ERBB4: variants seen among roughly 807,000 people sequenced by gnomAD.
The protein encoded by ERBB4 is erb-b2 receptor tyrosine kinase 4.
ERBB4 carries 42 observed loss-of-function variants against 158.0 expected under a neutral mutation model. The ratio of observed to expected loss-of-function variants is 0.27; its 90% CI spans 0.21 to 0.34. The LOEUF (loss-of-function observed/expected upper bound fraction) is 0.34. ERBB4 is among the 10% of genes least tolerant of loss of function. ERBB4 has a pLI of 1.00. For synonymous variants in ERBB4, 583 were observed against 558.7 expected (o/e 1.04, Z -0.61); for missense variants, 1,333 against 1,624.1 (o/e 0.82, Z 3.08).
chr2:212,263,051 C>A (rs1359403840), intron 1 of ERBB4, among the ~76,000 whole-genome samples: 1 of 152,012 alleles, frequency 6.6e-6, no homozygotes, highest in East Asian at 1.9e-4. Context: ...GGCCCTAAAT[C>A]TTTTGAAATA....
chr2:211,820,596 C>A (rs942466481), intron 3 of ERBB4, among the ~76,000 whole-genome samples: 2 of 151,714 alleles, frequency 1.3e-5, no homozygotes, highest in Non-Finnish European at 2.9e-5. Flanking sequence ...GCCAGTATAA[C>A]CCTGATACTA....
At chr2:211,975,325 A>G (rs965907667) in intron 2 of ERBB4, among the ~76,000 whole-genome samples, 2 of 152,202 alleles carry the variant, frequency 1.3e-5, no homozygotes, top group African/African-American at 2.4e-5. Context: ...CAATTATACT[A>G]TCATAACCTA....
intron 1 of ERBB4, among the ~76,000 whole-genome samples, chr2:212,516,457 G>A (rs761092150): frequency 1.6e-4 from 24 of 152,030 alleles, no homozygotes; most frequent in Non-Finnish European, 3.4e-4. Context: ...CTCTGCCACT[G>A]ACTGGCAACC....
intron 25 of ERBB4, among the ~76,000 whole-genome samples, chr2:211,391,460 C>T (rs1395426592): frequency 6.6e-6 from 1 of 152,068 alleles, no homozygotes; most frequent in African/African-American, 2.4e-5. Context: ...GCTGGTGAGG[C>T]GATTTACTGT....
intron 17 of ERBB4, among the ~76,000 whole-genome samples, chr2:211,628,923 A>C (rs2069978284): frequency 6.6e-6 from 1 of 152,204 alleles, no homozygotes; most frequent in South Asian, 2.1e-4. Flanking sequence ...ATGGCCAGTG[A>C]TGATGAGCAT....
intron 3 of ERBB4, among the ~76,000 whole-genome samples, chr2:211,881,918 G>C (rs148814537): frequency 1.3e-4 from 19 of 151,980 alleles, no homozygotes; most frequent in Non-Finnish European, 5.9e-5. Flanking sequence ...CTTTTTGGGG[G>C]GATGCTCAAG....
intron 3 of ERBB4, among the ~76,000 whole-genome samples, chr2:211,880,708 A>C (rs1020584672): frequency 4.6e-5 from 7 of 152,184 alleles, no homozygotes; most frequent in African/African-American, 1.7e-4. Context: ...TTGAAGCAAA[A>C]ATACACCTCA....
rs1023477409 is a variant in ERBB4, at chr2:212,320,937, GA to G, written c.83-196035del. On this transcript the variant is annotated intron_variant, in intron 1 of 27. Transcript: ENST00000342788. ...AAGAAAACGAAACAAAAGAAAACCT[GA>G]AAAAACTGTTTCTTTTTGTTGTTTT... 3.3e-5 allele frequency among the ~76,000 whole-genome samples: 5 copies of G among 149,910 alleles called. 2 individuals carry two copies. Among genetic ancestry groups the G allele is most frequent in the Non-Finnish European group, 7.5e-5 (5 of 66,874 alleles).
chr2:212,281,490 T>A (rs759905012), intron 1 of ERBB4, among the ~76,000 whole-genome samples: 34 of 151,912 alleles, frequency 2.2e-4, no homozygotes, highest in Admixed American at 7.9e-4. Flanking sequence ...CTCGCATTTT[T>A]AAAATTTCTA....
intron 1 of ERBB4, among the ~76,000 whole-genome samples, chr2:212,336,097 G>C (rs891976735): frequency 7.2e-5 from 11 of 151,800 alleles, no homozygotes; most frequent in Non-Finnish European, 1.3e-4. Context: ...CATGGCGGAG[G>C]GTCGTATTAA....
chr2:212,131,234 C>T lies in ERBB4; in HGVS notation c.83-6331G>A, dbSNP rs149000043. ...CTATCCCTTCCCTGGACTTACACAG[C>T]GGCCTCCTAACTAATGTCCAGGATT... On this transcript the variant is annotated intron_variant, in intron 1 of 27. Transcript: ENST00000342788. 9.2e-5 allele frequency among the ~76,000 whole-genome samples: 14 copies of T among 152,266 alleles called. No individual in the cohort carries two copies. In the East Asian group the frequency reaches 2.5e-3, roughly 27 times the overall value.
At chr2:211,625,242 T>C (rs1189431070) in intron 17 of ERBB4, among the ~76,000 whole-genome samples, 1 of 152,176 alleles carries the variant, frequency 6.6e-6, no homozygotes, top group Non-Finnish European at 1.5e-5. Flanking sequence ...AATAGTCTCT[T>C]TTATTTTTCC....
At chr2:212,504,799 T>C (rs1369308565) in intron 1 of ERBB4, among the ~76,000 whole-genome samples, 1 of 152,180 alleles carries the variant, frequency 6.6e-6, no homozygotes, top group Admixed American at 6.5e-5. Context: ...TGTTTGCATA[T>C]GATTTAGAGT....
intron 3 of ERBB4, among the ~76,000 whole-genome samples, chr2:211,800,058 T>G (rs1176475142): frequency 6.6e-6 from 1 of 152,292 alleles, no homozygotes; most frequent in South Asian, 2.1e-4. Flanking sequence ...AATATAGAAC[T>G]TTCCTTTTTA....
At chr2:211,648,372 T>C (rs1445089604) in intron 16 of ERBB4, among the ~76,000 whole-genome samples, 1 of 150,928 alleles carries the variant, frequency 6.6e-6, no homozygotes, top group Non-Finnish European at 1.5e-5. Flanking sequence ...AATATTAATG[T>C]AAATGCATGT....
At chr2:211,669,404 A>G (rs1302414948) in intron 14 of ERBB4, among the ~76,000 whole-genome samples, 2 of 152,016 alleles carry the variant, frequency 1.3e-5, no homozygotes, top group Non-Finnish European at 2.9e-5. Flanking sequence ...TGTATTTCAA[A>G]ATCAGTTCCC....
intron 3 of ERBB4, among the ~76,000 whole-genome samples, chr2:211,934,339 G>T (rs1325456913): frequency 6.6e-6 from 1 of 151,930 alleles, no homozygotes; most frequent in South Asian, 2.1e-4. Flanking sequence ...TATACCAGTT[G>T]CCAACTAGGG....
chr2:212,519,770 A>C (rs1210868522), intron 1 of ERBB4, among the ~76,000 whole-genome samples: 2 of 151,948 alleles, frequency 1.3e-5, no homozygotes, highest in East Asian at 1.9e-4. Flanking sequence ...TGGGAAGAAT[A>C]AGGCACAGGG....
intron 25 of ERBB4, among the ~76,000 whole-genome samples, chr2:211,394,607 C>T (rs2062872110): frequency 1.3e-5 from 2 of 152,028 alleles, no homozygotes; most frequent in South Asian, 4.1e-4. Context: ...TGCTTAAGAA[C>T]ATCTAGTTCT....
Sources: gnomAD v4.1 joint callset for allele counts (sites outside exome capture counted in the v4.1 genomes callset) on GRCh38, gnomAD v4.1.1 for gene constraint, MANE v1.5 for transcripts, NCBI Gene and HGNC (gene_info 2026-07-23, HGNC 2026-07-21) for gene names.